PREX2: variants seen among roughly 807,000 people sequenced by gnomAD.
PREX2 encodes the protein phosphatidylinositol-3,4,5-trisphosphate dependent Rac exchange factor 2, also known as phosphatidylinositol 3,4,5-trisphosphate-dependent Rac exchanger 2 protein.
A neutral mutation model predicts 203.2 loss-of-function variants in PREX2; 107 were observed. The observed-to-expected ratio is 0.53, with a 90% CI of 0.45 to 0.62. The LOEUF is 0.62. Among genes scored for constraint, PREX2 ranks in the 20% least tolerant of loss-of-function variants. The probability of loss-of-function intolerance (pLI) is 0.00; values close to 1 mark genes in which losing one functional copy is unlikely to be tolerated. For missense variants in PREX2, 1,777 were observed against 1,955.9 expected (o/e 0.91, Z 1.72); for synonymous variants, 672 against 663.6 (o/e 1.01, Z -0.19).
At chr8:68,202,477 A>C (rs142037209) in intron 37 of PREX2, among the ~76,000 whole-genome samples, 1 of 152,332 alleles carries the variant, frequency 6.6e-6, no homozygotes, top group African/African-American at 2.4e-5. Context: ...TTTTTAAAAT[A>C]TCAACAAAAA....
At chr8:68,161,737 A>G (rs1008662070) in intron 35 of PREX2, among the ~76,000 whole-genome samples, 1 of 151,986 alleles carries the variant, frequency 6.6e-6, no homozygotes, top group Non-Finnish European at 1.5e-5. Flanking sequence ...CTTTCTTTAC[A>G]TCGTATTTTC....
intron 1 of PREX2, among the ~76,000 whole-genome samples, chr8:67,973,462 A>G (rs1161796295): frequency 6.6e-6 from 1 of 152,130 alleles, no homozygotes; most frequent in Admixed American, 6.5e-5. Flanking sequence ...CTACTTATGT[A>G]TGCTCTTCTT....
At chr8:68,134,365 C>T (rs976902743) in intron 32 of PREX2, 89 bp downstream of exon 32, 191 of 1,040,736 alleles carry the variant, frequency 1.8e-4, no homozygotes, top group Middle Eastern at 9.2e-4. Context: ...ATTTCTTTCC[C>T]GCTGGTTATC....
At chr8:68,166,185 C>A (rs2129614117) in intron 35 of PREX2, among the ~76,000 whole-genome samples, 1 of 152,160 alleles carries the variant, frequency 6.6e-6, no homozygotes, top group Middle Eastern at 3.4e-3. Context: ...GAAAAACAGC[C>A]CAAATAAAGT....
At chr8:68,140,072 T>C (rs1433144043) in intron 33 of PREX2, among the ~76,000 whole-genome samples, 5 of 152,178 alleles carry the variant, frequency 3.3e-5, no homozygotes, top group Non-Finnish European at 2.9e-5. Context: ...TATTGGCAAA[T>C]GGTCTGTTGA....
chr8:68,114,465 A>G (rs1585805065), intron 25 of PREX2: 2 of 337,756 alleles, frequency 5.9e-6, no homozygotes, highest in Non-Finnish European at 1.2e-5. Context: ...TTGTTTATAC[A>G]TGGTTTAATT....
intron 39 of PREX2, among the ~76,000 whole-genome samples, chr8:68,225,638 A>C (rs1813043961): frequency 6.6e-6 from 1 of 152,214 alleles, no homozygotes; most frequent in African/African-American, 2.4e-5. Flanking sequence ...GTGCTTTCAA[A>C]GGGAAAACAA....
chr8:68,099,815 T>A lies in PREX2; in HGVS notation c.2687T>A (p.Leu896Gln). The A allele has an allele frequency of 1.2e-6, 2 of 1,611,756 alleles. No individual in the cohort carries two copies. The highest frequency in any genetic ancestry group is 8.5e-7 in the Non-Finnish European group (1 of 1,177,936). The change falls in exon 23 of 40, where the codon CTA becomes CAA. Residue 896 changes from leucine (L) to glutamine (Q), a missense_variant. Coordinates refer to ENST00000288368, the MANE Select transcript of PREX2 (RefSeq NM_024870.4). ...CTTTGCAGTGAAAGAATTGAACACC[T>A]ATGTCAGAGAATATCCAGTTATAAA... The part of the protein sequence containing the change: ...SALCSERIEH[L>Q]CQRISSYKKF...
Position 68,109,510 on chromosome 8 carries a change from C to T in PREX2, c.3033C>T (p.Leu1011=). ...LSLGQQDGHG[L]RYLLKEEDLE... ...TGGGACAGCAGGATGGCCATGGTCT[C>T]AGGTATCTGCTAAAAGAAGAAGACT... is the stretch of plus-strand genomic sequence containing the variant. Residue 1011 remains leucine, a synonymous_variant, in exon 25 of 40, where the codon CTC becomes CTT. Coordinates refer to ENST00000288368, the MANE Select transcript of PREX2 (RefSeq NM_024870.4). 6.2e-7 allele frequency: 1 copy of T among 1,614,030 alleles called. No homozygotes were observed. The highest frequency in any genetic ancestry group is 8.5e-7 in the Non-Finnish European group (1 of 1,179,924).
At chr8:68,177,382 A>T (rs1378952140) in intron 35 of PREX2, among the ~76,000 whole-genome samples, 10 of 152,080 alleles carry the variant, frequency 6.6e-5, no homozygotes, top group Non-Finnish European at 8.8e-5. Context: ...ACATAGAGAG[A>T]CCCTCACCCC....
chr8:68,040,405 A>G (rs190584439), intron 7 of PREX2, among the ~76,000 whole-genome samples: 21 of 152,006 alleles, frequency 1.4e-4, no homozygotes, highest in African/African-American at 4.6e-4. Flanking sequence ...CTCTCACATC[A>G]TCACATCCCA....
At chr8:68,094,077 A>G (rs141131149) in intron 21 of PREX2, among the ~76,000 whole-genome samples, 2 of 152,324 alleles carry the variant, frequency 1.3e-5, no homozygotes, top group East Asian at 3.9e-4. Flanking sequence ...ATTCAAACCC[A>G]GGTTATAATG....
chr8:68,030,759 T>G, intron 6 of PREX2, 101 bp downstream of exon 6: 1 of 1,141,146 alleles, frequency 8.8e-7, no homozygotes, highest in Non-Finnish European at 1.3e-6. Context: ...GGTCATTTTC[T>G]CAGATATTAC....
At chr8:68,195,318 A>G (rs542053452) in intron 37 of PREX2, among the ~76,000 whole-genome samples, 58 of 152,240 alleles carry the variant, frequency 3.8e-4, no homozygotes, top group Non-Finnish European at 7.5e-4. Context: ...CTTGATTTCT[A>G]CAATTCAAAA....
intron 1 of PREX2, among the ~76,000 whole-genome samples, chr8:67,969,700 C>A (rs112518639): frequency 1.3e-5 from 2 of 152,186 alleles, no homozygotes; most frequent in Non-Finnish European, 2.9e-5. Flanking sequence ...GGACCTTCCT[C>A]ATACATCAAG....
At chr8:68,059,660 G>A (rs1404913040) in intron 10 of PREX2, among the ~76,000 whole-genome samples, 1 of 152,166 alleles carries the variant, frequency 6.6e-6, no homozygotes, top group Non-Finnish European at 1.5e-5. Context: ...GAGCTCAAGT[G>A]GGTTCTCTGC....
At chr8:68,088,419 G>T (rs561612597) in intron 19 of PREX2, among the ~76,000 whole-genome samples, 2 of 152,294 alleles carry the variant, frequency 1.3e-5, no homozygotes, top group Non-Finnish European at 2.9e-5. Flanking sequence ...AACATAGTAA[G>T]TAACTTGCGC....
chr8:68,101,489 A>G (rs2129612620), intron 23 of PREX2: 1 of 517,366 alleles, frequency 1.9e-6, no homozygotes, highest in East Asian at 5.5e-5. Context: ...CAGTTCACCT[A>G]CTTGAGTTTG....
At chr8:68,043,332 G>C (rs1164234850) in intron 7 of PREX2, among the ~76,000 whole-genome samples, 1 of 152,116 alleles carries the variant, frequency 6.6e-6, no homozygotes, top group Non-Finnish European at 1.5e-5. Flanking sequence ...TTTCTTTATA[G>C]AGATGAAGGA....
Sources: allele counts gnomAD v4.1 joint callset (sites outside exome capture counted in the v4.1 genomes callset), GRCh38; gene constraint gnomAD v4.1.1; transcripts MANE v1.5; gene names NCBI Gene and HGNC (gene_info 2026-07-23, HGNC 2026-07-21).